PLCL1: variants seen among roughly 807,000 people sequenced by gnomAD.
PLCL1 encodes inactive phospholipase C-like protein 1.
PLCL1 carries 41 observed loss-of-function variants against 84.4 expected under a neutral mutation model. The ratio of observed to expected loss-of-function variants is 0.49; its 90% CI spans 0.38 to 0.63. The LOEUF (loss-of-function observed/expected upper bound fraction) is 0.63, where lower values mean the gene tolerates loss of function less well. Among genes scored for constraint, PLCL1 ranks in the 30% least tolerant of loss-of-function variants. The pLI is 0.00. For synonymous variants in PLCL1, 490 were observed against 488.3 expected, an observed-to-expected ratio of 1.00 and a Z score of -0.05; for missense variants, 1,206 against 1,367.8, an observed-to-expected ratio of 0.88 and a Z score of 1.87.
chr2:198,024,302 C>T (rs1044916832), intron 1 of PLCL1, among the ~76,000 whole-genome samples: 6 of 151,988 alleles, frequency 3.9e-5, no homozygotes, highest in African/African-American at 7.2e-5. Flanking sequence ...ATGTGGATGA[C>T]GGGTTGATGG....
At chr2:197,922,956 ACC>A (rs1159783643) in intron 1 of PLCL1, among the ~76,000 whole-genome samples, 2 of 78,734 alleles carry the variant, frequency 2.5e-5, no homozygotes, top group Non-Finnish European at 2.5e-5. Context: ...CGGGGGGCTG[ACC>A]CCCCCACCTC....
chr2:197,955,976 C>G (rs961221225), intron 1 of PLCL1, among the ~76,000 whole-genome samples: 4 of 151,764 alleles, frequency 2.6e-5, no homozygotes, highest in African/African-American at 9.7e-5. Flanking sequence ...CCCTTGCCCC[C>G]CATCCTCTGA....
intron 1 of PLCL1, among the ~76,000 whole-genome samples, chr2:197,813,599 G>C (rs1690632589): frequency 6.6e-6 from 1 of 152,088 alleles, no homozygotes; most frequent in Non-Finnish European, 1.5e-5. Context: ...TTTTCCTACT[G>C]AGCAATTTTC....
intron 1 of PLCL1, among the ~76,000 whole-genome samples, chr2:198,039,024 T>G (rs910261632): frequency 2.0e-5 from 3 of 152,118 alleles, no homozygotes; most frequent in African/African-American, 7.2e-5. Context: ...CTAAAAGCCC[T>G]TACATTAGGG....
intron 1 of PLCL1, among the ~76,000 whole-genome samples, chr2:197,865,006 CAT>C (rs1004694208): frequency 1.6e-4 from 25 of 152,176 alleles, no homozygotes. Context: ...GAGCCCACTG[CAT>C]AGAGACCCTC....
At chr2:198,000,370 C>G (rs555321128) in intron 1 of PLCL1, among the ~76,000 whole-genome samples, 23 of 152,156 alleles carry the variant, frequency 1.5e-4, no homozygotes, top group Admixed American at 4.6e-4. Context: ...GTTTGGGGTA[C>G]AAATGATCTT....
intron 1 of PLCL1, among the ~76,000 whole-genome samples, chr2:197,986,488 C>T (rs1451141099): frequency 6.6e-6 from 1 of 152,114 alleles, no homozygotes; most frequent in Non-Finnish European, 1.5e-5. Flanking sequence ...GTAGCTAGGA[C>T]TATAGTCATG....
Position 197,843,970 on chromosome 2 carries a change from T to C in PLCL1, c.240+38631T>C, listed in dbSNP as rs549450470. 7.9e-5 allele frequency among the ~76,000 whole-genome samples: 12 copies of C among 152,278 alleles called. No homozygotes were observed. The South Asian group carries it at 1.0e-3, about 13-fold the overall frequency. ...TTTACTCATTTTGAGGGAACATGTA[T>C]TGGTTGTGCTATTATTTTGTCACAT... On this transcript the variant is annotated intron_variant, in intron 1 of 5. Transcript: ENST00000428675.
chr2:197,863,704 T>C (rs939643886), intron 1 of PLCL1, among the ~76,000 whole-genome samples: 13 of 152,278 alleles, frequency 8.5e-5, no homozygotes, highest in South Asian at 2.1e-4. Flanking sequence ...AACTAGGACA[T>C]TGTTGAGAGT....
rs1559038556 is a variant in PLCL1, at chr2:197,897,165, CTT to C, written c.240+91827_240+91828del. Among the ~76,000 whole-genome samples, 15 of 31,448 alleles carry C rather than the reference CTT, an allele frequency of 4.8e-4. 1 individual carries two copies. Among genetic ancestry groups the C allele is most frequent in the African/African-American group, 2.5e-3 (11 of 4,340 alleles). 20.6% of individuals were successfully genotyped at this position (31,448 alleles called of 152,430 possible). A position where few individuals can be genotyped will look rare whatever the true frequency, so the allele number is the denominator to read the frequency against. ...TCTTCTTCTTCTTCTTCTTCTTCTT[CTT>C]CTTCTTCTTCTTCTTCTTCTTCTCC... On this transcript the variant is annotated intron_variant, in intron 1 of 5. Coordinates refer to ENST00000428675, the MANE Select transcript of PLCL1 (RefSeq NM_006226.4).
intron 1 of PLCL1, among the ~76,000 whole-genome samples, chr2:198,033,911 GT>G (rs1423332997): frequency 5.2e-5 from 6 of 114,932 alleles, no homozygotes; most frequent in Admixed American, 5.0e-4. Context: ...CCTGCCTCGT[GT>G]TTCTGTGTGT....
intron 1 of PLCL1, among the ~76,000 whole-genome samples, chr2:197,831,945 C>A (rs975598748): frequency 5.9e-5 from 9 of 152,154 alleles, no homozygotes; most frequent in Admixed American, 1.3e-4. Context: ...TAAATAAGTT[C>A]TTTGAAACCA....
chr2:198,117,816 C>T (rs1197339248), intron 5 of PLCL1, among the ~76,000 whole-genome samples: 1 of 151,742 alleles, frequency 6.6e-6, no homozygotes, highest in South Asian at 2.1e-4. Flanking sequence ...ATTGTGTATC[C>T]TCTGAGTCAG....
intron 1 of PLCL1, among the ~76,000 whole-genome samples, chr2:197,857,904 A>C (rs1172796408): frequency 1.3e-5 from 2 of 151,912 alleles, no homozygotes; most frequent in Non-Finnish European, 2.9e-5. Flanking sequence ...AGGGATCTTG[A>C]AAAAAAAGGA....
At chr2:198,046,183 G>A (rs1271301836) in intron 1 of PLCL1, among the ~76,000 whole-genome samples, 1 of 152,110 alleles carries the variant, frequency 6.6e-6, no homozygotes, top group Non-Finnish European at 1.5e-5. Context: ...TGCTACAGTG[G>A]CAAAATTAAG....
At chr2:198,140,279 G>T (rs918445443) in intron 5 of PLCL1, among the ~76,000 whole-genome samples, 1 of 151,960 alleles carries the variant, frequency 6.6e-6, no homozygotes, top group African/African-American at 2.4e-5. Context: ...ATTATTAATG[G>T]TTTTTTAAAT....
At chr2:198,055,329 C>CTGTGTG (rs71015806) in intron 1 of PLCL1, among the ~76,000 whole-genome samples, 2 of 112,344 alleles carry the variant, frequency 1.8e-5, no homozygotes, top group Admixed American at 8.5e-5. Context: ...CTCTCTCTCT[C>CTGTGTG]TGTGTGTGTG....
At chr2:198,061,923 G>T (rs1692213836) in intron 1 of PLCL1, among the ~76,000 whole-genome samples, 1 of 152,108 alleles carries the variant, frequency 6.6e-6, no homozygotes, top group Non-Finnish European at 1.5e-5. Context: ...AGGGTCAATA[G>T]GTACGTTGAT....
chr2:198,006,024 C>A (rs949026496), intron 1 of PLCL1, among the ~76,000 whole-genome samples: 1 of 152,086 alleles, frequency 6.6e-6, no homozygotes. Context: ...CTGAAGGAGG[C>A]TTAATATATT....
Sources: gnomAD v4.1 joint callset for allele counts (sites outside exome capture counted in the v4.1 genomes callset) on GRCh38, gnomAD v4.1.1 for gene constraint, MANE v1.5 for transcripts, NCBI Gene and HGNC (gene_info 2026-07-23, HGNC 2026-07-21) for gene names.